FRAS1: variants seen among roughly 807,000 people sequenced by gnomAD.
FRAS1 encodes the protein Fraser extracellular matrix complex subunit 1.
A neutral mutation model predicts 435.2 loss-of-function variants in FRAS1; 290 were observed. The ratio of observed to expected loss-of-function variants is 0.67; its 90% CI spans 0.61 to 0.73. The LOEUF is 0.73. Ranked by LOEUF, FRAS1 falls within the 30% of genes least tolerant of loss-of-function variation. The pLI, the probability that FRAS1 is intolerant of heterozygous loss-of-function variation, is 0.00. For missense variants in FRAS1, 4,860 were observed against 5,001.5 expected (o/e 0.97, Z 0.85); for synonymous variants, 1,800 against 1,851.0 (o/e 0.97, Z 0.71).
chr4:78,144,094 A>G (rs1193773443), intron 2 of FRAS1, among the ~76,000 whole-genome samples: 2 of 151,998 alleles, frequency 1.3e-5, no homozygotes, highest in Non-Finnish European at 2.9e-5. Flanking sequence ...AAAATACTAT[A>G]AACTGCAGCT....
chr4:78,369,328 A>G (rs1731405286), intron 22 of FRAS1, among the ~76,000 whole-genome samples: 1 of 152,204 alleles, frequency 6.6e-6, no homozygotes, highest in South Asian at 2.1e-4. Context: ...TGTCAGAGTT[A>G]TGTGGCTGGG....
intron 14 of FRAS1, among the ~76,000 whole-genome samples, chr4:78,288,659 T>C (rs1416606926): frequency 6.6e-6 from 1 of 152,022 alleles, no homozygotes; most frequent in Non-Finnish European, 1.5e-5. Context: ...TCAGGCTGGT[T>C]GCATTTTTAT....
At chr4:78,200,609 C>T (rs2110075087) in intron 2 of FRAS1, among the ~76,000 whole-genome samples, 1 of 151,718 alleles carries the variant, frequency 6.6e-6, no homozygotes, top group East Asian at 1.9e-4. Context: ...TGTGATCGAT[C>T]TATTCAAGAA....
In FRAS1 at chr4:78,537,120, A is replaced by G; in HGVS notation, c.11218A>G (p.Thr3740Ala). 1 of 1,614,024 alleles carries G rather than the reference A, an allele frequency of 6.2e-7. No homozygotes were observed. Among genetic ancestry groups the G allele is most frequent in the Non-Finnish European group, 8.5e-7 (1 of 1,179,886 alleles). Residue 3740 changes from threonine to alanine, a missense_variant, in exon 72 of 74, where the codon ACG becomes GCG. Transcript: ENST00000512123. ...KDGYVPFFDP[T>A]GTIYNEGPQY... ...TGGTTATGTGCCTTTCTTTGATCCCACGGGGACAATCTACAATGAAGGGCC... is the reference window on the plus strand; with the variant it reads ...TGGTTATGTGCCTTTCTTTGATCCCGCGGGGACAATCTACAATGAAGGGCC...
chr4:78,339,141 G>A (rs1730302729), intron 20 of FRAS1, among the ~76,000 whole-genome samples: 1 of 152,194 alleles, frequency 6.6e-6, no homozygotes, highest in African/African-American at 2.4e-5. Flanking sequence ...TGGAAAGTGG[G>A]AAAAATGGGA....
At chr4:78,115,978 T>A (rs1743140409) in intron 2 of FRAS1, among the ~76,000 whole-genome samples, 1 of 152,232 alleles carries the variant, frequency 6.6e-6, no homozygotes, top group Non-Finnish European at 1.5e-5. Context: ...GTGCTATAAA[T>A]TTCCGTCTAC....
Position 78,462,969 on chromosome 4 carries a change from T to C in FRAS1, c.6764-1052T>C, listed in dbSNP as rs190636509. 4.0e-3 allele frequency among the ~76,000 whole-genome samples: 614 copies of C among 152,322 alleles called. 2 individuals carry two copies. Among genetic ancestry groups the C allele is most frequent in the Non-Finnish European group, 6.6e-3 (450 of 68,034 alleles). ...GAGTCAATGTAGAATCTTTATTTTC[T>C]TTGTAGGTTAACAATGACAAATCAC... On this transcript the variant is annotated intron_variant, in intron 47 of 73. Transcript: ENST00000512123.
rs917602069 is a variant in FRAS1 at position 78,254,969 on chromosome 4, T to C, written c.470-273T>C. Among the ~76,000 whole-genome samples the C allele has an allele frequency of 8.5e-5, 13 of 152,256 alleles. No homozygotes were observed. In the East Asian group the frequency reaches 1.6e-3, roughly 18 times the overall value. On this transcript the variant is annotated intron_variant, in intron 5 of 73. Transcript: ENST00000512123. Reference sequence around the variant, plus strand: ...CGAGGGTTGGGGATGACAGCATTCATTGGGATGGAGTGGAGGAGCTGGTAG... The same window carrying C: ...CGAGGGTTGGGGATGACAGCATTCACTGGGATGGAGTGGAGGAGCTGGTAG...
chr4:78,219,260 G>A (rs1578191898), intron 2 of FRAS1, among the ~76,000 whole-genome samples: 2 of 151,922 alleles, frequency 1.3e-5, no homozygotes, highest in African/African-American at 4.8e-5. Context: ...CTCATTTAAG[G>A]CCATTTTTGT....
chr4:78,166,894 C>T (rs6825089), intron 2 of FRAS1, among the ~76,000 whole-genome samples: 24,101 of 152,160 alleles, frequency 0.16, 2,023 homozygotes, highest in Non-Finnish European at 0.18. Context: ...GGTTTGGCCA[C>T]ACCCAGGGTG....
chr4:78,216,739 G>A (rs916147298), intron 2 of FRAS1, among the ~76,000 whole-genome samples: 1 of 152,154 alleles, frequency 6.6e-6, no homozygotes, highest in African/African-American at 2.4e-5. Flanking sequence ...AGCCATGATA[G>A]AGAATAATAT....
At chr4:78,203,399 A>G (rs1723126040) in intron 2 of FRAS1, among the ~76,000 whole-genome samples, 1 of 152,152 alleles carries the variant, frequency 6.6e-6, no homozygotes, top group South Asian at 2.1e-4. Flanking sequence ...ATTTGTTTGT[A>G]ACCCCCAAAT....
intron 2 of FRAS1, among the ~76,000 whole-genome samples, chr4:78,234,455 G>C (rs987884165): frequency 2.4e-4 from 36 of 152,188 alleles, no homozygotes; most frequent in African/African-American, 7.7e-4. Context: ...TCGATCTCCT[G>C]ACCTCGTGAT....
intron 15 of FRAS1, among the ~76,000 whole-genome samples, chr4:78,313,182 G>T (rs1416852931): frequency 6.6e-6 from 1 of 152,160 alleles, no homozygotes; most frequent in Non-Finnish European, 1.5e-5. Context: ...AGGAGGTTTT[G>T]TGGCATGTGG....
chr4:78,460,564 C>T (rs565826316), intron 47 of FRAS1, among the ~76,000 whole-genome samples: 2 of 152,272 alleles, frequency 1.3e-5, no homozygotes, highest in South Asian at 4.1e-4. Context: ...TCATGTATTG[C>T]GTAACAATTC....
intron 47 of FRAS1, among the ~76,000 whole-genome samples, chr4:78,456,518 C>CT (rs980746534): frequency 6.6e-6 from 1 of 152,170 alleles, no homozygotes; most frequent in African/African-American, 2.4e-5. Context: ...AATGTAGACT[C>CT]TAACTGGGCA....
intron 2 of FRAS1, among the ~76,000 whole-genome samples, chr4:78,087,510 G>T (rs1288555654): frequency 6.6e-6 from 1 of 152,184 alleles, no homozygotes; most frequent in South Asian, 2.1e-4. Context: ...TGACATGATT[G>T]TATCTGTAGA....
At chr4:78,080,090 G>A (rs1740828191) in intron 2 of FRAS1, among the ~76,000 whole-genome samples, 1 of 152,052 alleles carries the variant, frequency 6.6e-6, no homozygotes, top group African/African-American at 2.4e-5. Flanking sequence ...TTACACTACA[G>A]GTGGAATGGC....
chr4:78,125,780 G>C (rs1405842160), intron 2 of FRAS1, among the ~76,000 whole-genome samples: 1 of 152,172 alleles, frequency 6.6e-6, no homozygotes, highest in Non-Finnish European at 1.5e-5. Flanking sequence ...CCGCCTGTTT[G>C]AGATGTCTGT....
Sources: allele counts gnomAD v4.1 joint callset (sites outside exome capture counted in the v4.1 genomes callset), GRCh38; gene constraint gnomAD v4.1.1; transcripts MANE v1.5; gene names NCBI Gene and HGNC (gene_info 2026-07-23, HGNC 2026-07-21).